The following DLGAP2 variants were observed in gnomAD, a reference collection of about 807,000 sequenced individuals.
The protein encoded by DLGAP2 is disks large-associated protein 2.
DLGAP2 carries 26 observed loss-of-function variants against 100.3 expected under a neutral mutation model. The observed-to-expected ratio is 0.26, with a 90% CI of 0.19 to 0.36. The LOEUF is 0.36. Ranked by LOEUF, DLGAP2 falls within the 10% of genes least tolerant of loss-of-function variation. The pLI is 1.00. For synonymous variants in DLGAP2, 886 were observed against 630.1 expected (o/e 1.41, Z -6.08); for missense variants, 1,858 against 1,453.2 (o/e 1.28, Z -4.53).
intron 2 of DLGAP2, among the ~76,000 whole-genome samples, chr8:1,196,305 C>G (rs1379182174): frequency 6.6e-6 from 1 of 152,256 alleles, no homozygotes; most frequent in Admixed American, 6.5e-5. Context: ...ACTGCAGTGA[C>G]AACTATTTCC....
intron 6 of DLGAP2, among the ~76,000 whole-genome samples, chr8:1,615,406 A>C (rs1445958284): frequency 6.6e-6 from 1 of 152,232 alleles, no homozygotes; most frequent in Non-Finnish European, 1.5e-5. Flanking sequence ...AAGAGGCTGA[A>C]GTTGTAGCAA....
intron 2 of DLGAP2, among the ~76,000 whole-genome samples, chr8:930,912 T>C (rs1798942011): frequency 1.3e-5 from 2 of 152,026 alleles, no homozygotes; most frequent in Admixed American, 6.6e-5. Context: ...GAGGACTCTG[T>C]GGGTTGTTCT....
chr8:1,112,823 T>G (rs1805002656), intron 2 of DLGAP2, among the ~76,000 whole-genome samples: 2 of 152,214 alleles, frequency 1.3e-5, no homozygotes, highest in South Asian at 4.1e-4. Context: ...CTCCCAGGGT[T>G]TTTATAATTT....
At chr8:884,614 C>A (rs1399678460) in intron 1 of DLGAP2, among the ~76,000 whole-genome samples, 2 of 152,018 alleles carry the variant, frequency 1.3e-5, no homozygotes, top group Non-Finnish European at 2.9e-5. Context: ...TTCTTTTGCT[C>A]TGCACAAGCT....
chr8:857,760 C>T (rs748713917), intron 1 of DLGAP2, among the ~76,000 whole-genome samples: 6 of 152,160 alleles, frequency 3.9e-5, no homozygotes, highest in Admixed American at 3.3e-4. Context: ...CACTGAAGAC[C>T]GCTAGGTGGT....
At chr8:1,146,220 T>A (rs1233072056) in intron 2 of DLGAP2, among the ~76,000 whole-genome samples, 1 of 152,170 alleles carries the variant, frequency 6.6e-6, no homozygotes. Flanking sequence ...TAATGTAACT[T>A]CCTGGATGCT....
chr8:997,879 C>T (rs10092851), intron 2 of DLGAP2, among the ~76,000 whole-genome samples: 4 of 152,008 alleles, frequency 2.6e-5, no homozygotes, highest in African/African-American at 9.7e-5. Flanking sequence ...CACACATACA[C>T]ACATGCATAA....
chr8:1,002,288 G>A (rs772049131), intron 2 of DLGAP2: 5 of 152,236 alleles, frequency 3.3e-5, no homozygotes, highest in East Asian at 3.9e-4. Context: ...GACTTCCTCC[G>A]GGGTCTGTGA....
chr8:1,354,230 G>T (rs1192125685), intron 3 of DLGAP2, among the ~76,000 whole-genome samples: 1 of 152,226 alleles, frequency 6.6e-6, no homozygotes, highest in Non-Finnish European at 1.5e-5. Flanking sequence ...CGGAGGCCAG[G>T]CACGGTGGCT....
chr8:854,283 G>A (rs994273562), intron 1 of DLGAP2, among the ~76,000 whole-genome samples: 2 of 152,128 alleles, frequency 1.3e-5, no homozygotes, highest in African/African-American at 4.8e-5. Flanking sequence ...TTAGAGCAAG[G>A]CCCAGCAAGG....
At chr8:1,141,947 A>G (rs916625134) in intron 2 of DLGAP2, among the ~76,000 whole-genome samples, 3 of 152,174 alleles carry the variant, frequency 2.0e-5, no homozygotes, top group Non-Finnish European at 4.4e-5. Context: ...TAAAGATTGT[A>G]TATGGAAAAA....
intron 1 of DLGAP2, among the ~76,000 whole-genome samples, chr8:749,736 G>A (rs986035570): frequency 1.3e-5 from 2 of 152,144 alleles, no homozygotes; most frequent in Non-Finnish European, 2.9e-5. Flanking sequence ...GTTTCCTAGG[G>A]GCTGCTATAA....
intron 2 of DLGAP2, among the ~76,000 whole-genome samples, chr8:1,136,223 A>G (rs1032126747): frequency 1.3e-5 from 2 of 152,132 alleles, no homozygotes; most frequent in Non-Finnish European, 2.9e-5. Flanking sequence ...TCCCTTAGGC[A>G]CATGAGTTGG....
chr8:1,667,495 A>G (rs894880254), intron 8 of DLGAP2, among the ~76,000 whole-genome samples: 3 of 152,166 alleles, frequency 2.0e-5, no homozygotes, highest in Non-Finnish European at 4.4e-5. Context: ...CCTACAACTT[A>G]AACCTATGGA....
At chr8:1,195,847 C>T (rs1424854914) in intron 2 of DLGAP2, among the ~76,000 whole-genome samples, 3 of 152,270 alleles carry the variant, frequency 2.0e-5, no homozygotes, top group South Asian at 2.1e-4. Context: ...ATACGTTCTG[C>T]GAAAACGCTT....
intron 2 of DLGAP2, among the ~76,000 whole-genome samples, chr8:1,175,628 G>A (rs1489461408): frequency 6.6e-6 from 1 of 152,112 alleles, no homozygotes; most frequent in Non-Finnish European, 1.5e-5. Flanking sequence ...AATTTGGAGG[G>A]TGTTGGAATA....
chr8:937,539 G>A (rs1384722385), intron 2 of DLGAP2, among the ~76,000 whole-genome samples: 1 of 152,166 alleles, frequency 6.6e-6, no homozygotes, highest in African/African-American at 2.4e-5. Flanking sequence ...CTCTGTGGAT[G>A]GTGGGGTGCA....
intron 2 of DLGAP2, among the ~76,000 whole-genome samples, chr8:973,941 G>A (rs1021009529): frequency 5.3e-4 from 80 of 151,472 alleles, no homozygotes; most frequent in African/African-American, 1.5e-3. Flanking sequence ...AGCGCTGGGC[G>A]CAAGCTGCGC....
intron 2 of DLGAP2, among the ~76,000 whole-genome samples, chr8:1,257,411 G>T (rs1037875915): frequency 6.6e-6 from 1 of 151,808 alleles, no homozygotes; most frequent in African/African-American, 2.4e-5. Context: ...AACGCCCTCC[G>T]CTCACCTCTC....
Sources: allele counts gnomAD v4.1 joint callset (sites outside exome capture counted in the v4.1 genomes callset), GRCh38; gene constraint gnomAD v4.1.1; transcripts MANE v1.5; gene names NCBI Gene and HGNC (gene_info 2026-07-23, HGNC 2026-07-21).